SF3B3: variants seen among roughly 807,000 people sequenced by gnomAD.
The protein encoded by SF3B3 is SAP 130.
SF3B3 carries 33 observed loss-of-function variants against 139.2 expected under a neutral mutation model. That is an observed-to-expected ratio of 0.24 (90% CI 0.18 to 0.32). The LOEUF is 0.32. SF3B3 is among the 10% of genes least tolerant of loss of function. SF3B3 has a pLI of 1.00. For synonymous variants in SF3B3, 596 were observed against 563.6 expected (o/e 1.06, Z -0.81); for missense variants, 818 against 1,509.4 (o/e 0.54, Z 7.59).
chr16:70,548,812 T>C (rs997664288), intron 11 of SF3B3, among the ~76,000 whole-genome samples: 14 of 152,208 alleles, frequency 9.2e-5, no homozygotes, highest in Non-Finnish European at 1.9e-4. Context: ...TTCTTTTAAA[T>C]TGTTTTGAAA....
At chr16:70,532,844 G>A (rs1316893275) in intron 5 of SF3B3, among the ~76,000 whole-genome samples, 3 of 152,190 alleles carry the variant, frequency 2.0e-5, no homozygotes, top group Non-Finnish European at 4.4e-5. Flanking sequence ...TGAGGGCAGG[G>A]AAGAGAAGTT....
intron 20 of SF3B3, 40 bp from the exon 21 acceptor site, chr16:70,567,371 G>A (rs1399530509): frequency 1.9e-5 from 30 of 1,586,386 alleles, no homozygotes; most frequent in Non-Finnish European, 2.6e-5. Context: ...GTGTCTGGCT[G>A]GCATTTATAA....
intron 2 of SF3B3, among the ~76,000 whole-genome samples, chr16:70,527,770 T>C (rs2050078399): frequency 6.7e-6 from 1 of 150,336 alleles, no homozygotes; most frequent in Admixed American, 6.6e-5. Flanking sequence ...TTGTTTGTTT[T>C]GTTTTTGTTT....
At chr16:70,567,689 T>C (rs1252580692) in intron 21 of SF3B3, 153 bp downstream of exon 21, 1 of 1,048,708 alleles carries the variant, frequency 9.5e-7, no homozygotes, top group Non-Finnish European at 1.3e-6. Flanking sequence ...CTTGTTTTTT[T>C]GTTTTTTGGT....
In SF3B3 at chr16:70,574,047, G is replaced by GTGC. The variant is rs1480410340; in HGVS notation, c.*2237_*2239dup. On this transcript the variant is annotated 3_prime_UTR_variant, in exon 26 of 26. Coordinates refer to ENST00000302516, the MANE Select transcript of SF3B3 (RefSeq NM_012426.5). ...GGAAAAGGCTCGTCTCACAGGGAGA[G>GTGC]TGCTGGTCCCCAGAATGTGTGCTGT... is the stretch of plus-strand genomic sequence containing the variant. The GTGC allele has an allele frequency of 6.6e-6, 1 of 152,174 alleles. No individual in the cohort carries two copies. Among genetic ancestry groups the GTGC allele is most frequent in the Non-Finnish European group, 1.5e-5 (1 of 68,036 alleles). 9.4% of individuals were successfully genotyped at this position (152,174 alleles called of 1,614,324 possible). A position where few individuals can be genotyped will look rare whatever the true frequency, so the allele number is the denominator to read the frequency against.
At chr16:70,555,726 C>G (rs754065255) in intron 13 of SF3B3, among the ~76,000 whole-genome samples, 1 of 152,154 alleles carries the variant, frequency 6.6e-6, no homozygotes, top group Admixed American at 6.5e-5. Context: ...GAAGGATGTT[C>G]AGTACACTTA....
At chr16:70,528,218 A>T (rs1254806195) in intron 2 of SF3B3, among the ~76,000 whole-genome samples, 2 of 123,286 alleles carry the variant, frequency 1.6e-5, no homozygotes, top group Non-Finnish European at 3.2e-5. Context: ...AGGCTGGAGT[A>T]CAGTAGTGCG....
chr16:70,539,854 G>A (rs969111824), intron 8 of SF3B3, among the ~76,000 whole-genome samples: 6 of 149,468 alleles, frequency 4.0e-5, no homozygotes, highest in South Asian at 2.1e-4. Flanking sequence ...TCGGCTCACC[G>A]CAACCTCTGC....
At chr16:70,563,429 A>G (rs1251044954) in intron 17 of SF3B3, among the ~76,000 whole-genome samples, 1 of 152,048 alleles carries the variant, frequency 6.6e-6, no homozygotes, top group African/African-American at 2.4e-5. Flanking sequence ...TAGGTCCCTT[A>G]TTTGCTGTCT....
chr16:70,567,333 G>C (rs2050486152), intron 20 of SF3B3, 78 bp from the exon 21 acceptor site: 3 of 1,461,514 alleles, frequency 2.1e-6, no homozygotes, highest in Non-Finnish European at 2.8e-6. Context: ...TGTGGAAGTA[G>C]GCATTTCTGG....
At chr16:70,532,678 C>G (rs2050132936) in intron 5 of SF3B3, 58 bp downstream of exon 5, 3 of 1,535,542 alleles carry the variant, frequency 2.0e-6, no homozygotes, top group Admixed American at 3.5e-5. Flanking sequence ...TATGCCCAAA[C>G]CTAATAGGTT....
At chr16:70,536,974 CT>C (rs2050174923) in intron 6 of SF3B3, among the ~76,000 whole-genome samples, 1 of 151,864 alleles carries the variant, frequency 6.6e-6, no homozygotes, top group Non-Finnish European at 1.5e-5. Flanking sequence ...CCATGCCCAG[CT>C]AATTTTTATA....
intron 4 of SF3B3, among the ~76,000 whole-genome samples, chr16:70,531,138 G>A (rs1213732098): frequency 6.6e-6 from 1 of 151,944 alleles, no homozygotes; most frequent in African/African-American, 2.4e-5. Flanking sequence ...GCATCGTGGC[G>A]GGCGCCTGTG....
Position 70,571,998 on chromosome 16 carries a change from A to C in SF3B3, c.*185A>C. ...ATGACTGGCTTCCCCTCAAATTGGC[A>C]CTGAGATTTGCTACACTTCTCCCCA... is the stretch of plus-strand genomic sequence containing the variant. On this transcript the variant is annotated 3_prime_UTR_variant, in exon 26 of 26. Transcript: ENST00000302516. The C allele has an allele frequency of 1.3e-6, 1 of 753,180 alleles. No individual in the cohort carries two copies. Among genetic ancestry groups the C allele is most frequent in the Non-Finnish European group, 2.2e-6 (1 of 452,098 alleles). 46.7% of individuals were successfully genotyped at this position (753,180 alleles called of 1,614,324 possible).
chr16:70,530,988 C>T (rs1456170788), intron 4 of SF3B3, 71 bp downstream of exon 4: 17 of 1,439,594 alleles, frequency 1.2e-5, no homozygotes, highest in African/African-American at 2.8e-5. Context: ...TGTTTTCCGG[C>T]CGGGCGTGGT....
At chr16:70,553,046 A>G (rs1027298469) in intron 11 of SF3B3, among the ~76,000 whole-genome samples, 1 of 152,152 alleles carries the variant, frequency 6.6e-6, no homozygotes, top group Non-Finnish European at 1.5e-5. Flanking sequence ...AGTTGGAATT[A>G]CAGGCGCCCA....
At position 70,539,071 on chromosome 16, in the gene SF3B3, G is replaced by C. The variant is rs773753176; in HGVS notation, c.964-33G>C. ...TATAATACGGGGCTCACTTCACTTTGTTTGTACACCAGAATGTTTCTTTTC... is the reference window on the plus strand; with the variant it reads ...TATAATACGGGGCTCACTTCACTTTCTTTGTACACCAGAATGTTTCTTTTC... On this transcript the variant is annotated intron_variant, in intron 7 of 25. Coordinates refer to ENST00000302516, the MANE Select transcript of SF3B3 (RefSeq NM_012426.5). 50 of 1,481,092 alleles carry C rather than the reference G, an allele frequency of 3.4e-5. No individual in the cohort carries two copies. The Admixed American group carries it at 7.7e-4, about 23-fold the overall frequency. 91.7% of individuals were successfully genotyped at this position (1,481,092 alleles called of 1,614,324 possible). A position where few individuals can be genotyped will look rare whatever the true frequency, so the allele number is the denominator to read the frequency against.
At chr16:70,538,779 G>C (rs1198918267) in intron 7 of SF3B3, among the ~76,000 whole-genome samples, 2 of 152,314 alleles carry the variant, frequency 1.3e-5, no homozygotes, top group South Asian at 4.1e-4. Context: ...TTATCCTATG[G>C]ACGAGCTCTG....
intron 6 of SF3B3, 128 bp downstream of exon 6, chr16:70,535,548 G>A: frequency 2.2e-6 from 1 of 451,334 alleles, no homozygotes; most frequent in Middle Eastern, 6.1e-4. Flanking sequence ...CCTGGGGCAG[G>A]GACGTAAATG....
Sources: gnomAD v4.1 joint callset for allele counts (sites outside exome capture counted in the v4.1 genomes callset) on GRCh38, gnomAD v4.1.1 for gene constraint, MANE v1.5 for transcripts, NCBI Gene and HGNC (gene_info 2026-07-23, HGNC 2026-07-21) for gene names.